The following ASCC3 variants were observed in gnomAD, a reference collection of about 807,000 sequenced individuals.
The protein encoded by ASCC3 is ASC-1 complex subunit P200.
ASCC3 carries 158 observed loss-of-function variants against 256.3 expected under a neutral mutation model. That is an observed-to-expected ratio of 0.62 (90% CI 0.54 to 0.70). The LOEUF (loss-of-function observed/expected upper bound fraction) is 0.70. ASCC3 is among the 30% of genes least tolerant of loss of function. The pLI is 0.00. For missense variants in ASCC3, 2,259 were observed against 2,626.0 expected (o/e 0.86, Z 3.05); for synonymous variants, 948 against 883.4 (o/e 1.07, Z -1.30).
intron 4 of ASCC3, among the ~76,000 whole-genome samples, chr6:100,807,290 C>A (rs1770233253): frequency 6.7e-6 from 1 of 149,990 alleles, no homozygotes; most frequent in Non-Finnish European, 1.5e-5. Context: ...TAACTTGTGA[C>A]ACCCACCCTC....
intron 1 of ASCC3, among the ~76,000 whole-genome samples, chr6:100,876,745 T>C (rs1774021217): frequency 6.6e-6 from 1 of 152,178 alleles, no homozygotes; most frequent in African/African-American, 2.4e-5. Flanking sequence ...TAATAAATAT[T>C]TAATGCCCCA....
intron 13 of ASCC3, among the ~76,000 whole-genome samples, chr6:100,713,098 TTACGTCC>T (rs2115017398): frequency 1.3e-5 from 2 of 152,212 alleles, no homozygotes; most frequent in South Asian, 4.1e-4. Context: ...AGTTGATAAC[TTACGTCC>T]GGACAAAAAC....
At chr6:100,682,841 G>A (rs1777376814) in intron 13 of ASCC3, among the ~76,000 whole-genome samples, 1 of 152,104 alleles carries the variant, frequency 6.6e-6, no homozygotes, top group African/African-American at 2.4e-5. Context: ...CTCTTCTAAG[G>A]TTTCTCACAG....
intron 8 of ASCC3, among the ~76,000 whole-genome samples, chr6:100,775,871 C>T (rs1252299972): frequency 1.3e-5 from 2 of 151,698 alleles, no homozygotes; most frequent in African/African-American, 4.8e-5. Context: ...CACTAGAGGG[C>T]TCAGTATACT....
chr6:100,847,421 C>G (rs959473577), intron 4 of ASCC3, among the ~76,000 whole-genome samples: 1 of 152,076 alleles, frequency 6.6e-6, no homozygotes, highest in Admixed American at 6.6e-5. Flanking sequence ...TACTTCCAAA[C>G]TAATGTTAGT....
intron 4 of ASCC3, among the ~76,000 whole-genome samples, chr6:100,825,193 G>A (rs374250297): frequency 5.9e-5 from 9 of 152,034 alleles, no homozygotes; most frequent in Admixed American, 3.3e-4. Flanking sequence ...CCTGTGGGCC[G>A]CATGTGGCCT....
At chr6:100,830,159 T>G (rs1582929765) in intron 4 of ASCC3, among the ~76,000 whole-genome samples, 2 of 151,848 alleles carry the variant, frequency 1.3e-5, no homozygotes, top group East Asian at 3.9e-4. Context: ...AAAGCAAAAC[T>G]TGGATAAGAG....
In ASCC3 at chr6:100,679,677, C is replaced by A; in HGVS notation, c.2227G>T (p.Gly743Cys). The part of the protein sequence containing the change: ...MSLIERAKNC[G>C]HIPFFFPTQG... ...GTAGGAAAAAAGAAGGGAATATGGCCACAATTTTTTGCTCTTTCTATTAGA... is the reference window on the plus strand; with the variant it reads ...GTAGGAAAAAAGAAGGGAATATGGCAACAATTTTTTGCTCTTTCTATTAGA... The change falls in exon 14 of 42, where the codon GGC becomes TGC. Residue 743 changes from glycine (G) to cysteine (C), a missense_variant. Around this residue, in one of 2 missense-constraint regions of ASCC3, gnomAD observed 1,839 missense variants for 2,206.7 expected, o/e 0.83. Coordinates refer to ENST00000369162, the MANE Select transcript of ASCC3 (RefSeq NM_006828.4). 6.2e-7 allele frequency: 1 copy of A among 1,613,600 alleles called. No homozygotes were observed. The highest frequency in any genetic ancestry group is 8.5e-7 in the Non-Finnish European group (1 of 1,179,736).
intron 8 of ASCC3, among the ~76,000 whole-genome samples, chr6:100,771,775 G>C (rs1582839502): frequency 9.5e-6 from 1 of 105,642 alleles, no homozygotes; most frequent in Non-Finnish European, 1.9e-5. Context: ...TTTTTTAATT[G>C]CAAGTATTGT....
chr6:100,821,042 T>C (rs1771014589), intron 4 of ASCC3, among the ~76,000 whole-genome samples: 1 of 152,178 alleles, frequency 6.6e-6, no homozygotes, highest in Non-Finnish European at 1.5e-5. Context: ...TTTTGTTTTG[T>C]TTTTTAAGTT....
chr6:100,806,799 A>C (rs1244933191), intron 4 of ASCC3, among the ~76,000 whole-genome samples: 1 of 151,924 alleles, frequency 6.6e-6, no homozygotes, highest in Admixed American at 6.6e-5. Context: ...AAACAAAATG[A>C]ATTATTAAGA....
At chr6:100,805,271 T>C (rs957226716) in intron 5 of ASCC3, among the ~76,000 whole-genome samples, 1 of 152,032 alleles carries the variant, frequency 6.6e-6, no homozygotes, top group Non-Finnish European at 1.5e-5. Flanking sequence ...GAAAACCAAA[T>C]ACCTCGTGTT....
chr6:100,644,693 C>T (rs1045272413), intron 22 of ASCC3, among the ~76,000 whole-genome samples: 1 of 152,108 alleles, frequency 6.6e-6, no homozygotes, highest in South Asian at 2.1e-4. Flanking sequence ...GACCACATCC[C>T]CTGGGATAAT....
intron 36 of ASCC3, among the ~76,000 whole-genome samples, chr6:100,566,546 T>C (rs183354020): frequency 6.6e-6 from 1 of 152,300 alleles, no homozygotes; most frequent in African/African-American, 2.4e-5. Flanking sequence ...TACTTCAGTA[T>C]CCCACTATCC....
rs116377816 is a variant in ASCC3 at position 100,572,188 on chromosome 6, T to C, written c.5550+17446A>G. Among the ~76,000 whole-genome samples, 854 of 152,054 alleles carry C rather than the reference T, an allele frequency of 5.6e-3. 12 individuals carry two copies. The highest frequency in any genetic ancestry group is 0.019 in the African/African-American group (807 of 41,472). On this transcript the variant is annotated intron_variant, in intron 36 of 41. Transcript: ENST00000369162. ...AGTGGGGGCTTTGGGGAGGGGGTGATTAGGTCATGAAAGCAGAACTCTCAT... is the reference window on the plus strand; with the variant it reads ...AGTGGGGGCTTTGGGGAGGGGGTGACTAGGTCATGAAAGCAGAACTCTCAT...
At chr6:100,769,769 A>C (rs1388512020) in intron 8 of ASCC3, among the ~76,000 whole-genome samples, 5 of 151,884 alleles carry the variant, frequency 3.3e-5, no homozygotes, top group Non-Finnish European at 7.4e-5. Flanking sequence ...GCATCACTAG[A>C]GATAATATAG....
At chr6:100,562,324 G>A (rs240770) in intron 36 of ASCC3, among the ~76,000 whole-genome samples, 103,405 of 151,906 alleles carry the variant, frequency 0.68, 36,641 homozygotes, top group African/African-American at 0.88. Context: ...AAATCAAAAG[G>A]TATCACTGGA....
chr6:100,701,455 A>C (rs1778348144), intron 13 of ASCC3, among the ~76,000 whole-genome samples: 1 of 152,094 alleles, frequency 6.6e-6, no homozygotes, highest in Non-Finnish European at 1.5e-5. Context: ...GTGGAAATCT[A>C]AGTGCATAAA....
chr6:100,581,282 TG>T (rs1286790518), intron 36 of ASCC3, among the ~76,000 whole-genome samples: 1 of 152,156 alleles, frequency 6.6e-6, no homozygotes, highest in African/African-American at 2.4e-5. Context: ...TTCTAACTGG[TG>T]TGAGATGGTA....
Sources: allele counts gnomAD v4.1 joint callset (sites outside exome capture counted in the v4.1 genomes callset), GRCh38; gene constraint gnomAD v4.1.1; regional missense constraint gnomAD v4.1.1; transcripts MANE v1.5; gene names NCBI Gene and HGNC (gene_info 2026-07-23, HGNC 2026-07-21).